The following IGFBPL1 variants were observed in gnomAD, a reference collection of about 807,000 sequenced individuals.
The protein encoded by IGFBPL1 is insulin-like growth factor-binding protein-like 1.
In IGFBPL1, 20 loss-of-function variants were observed where a neutral mutation model predicts 23.9. That is an observed-to-expected ratio of 0.84 (90% CI 0.59 to 1.22). IGFBPL1 has a LOEUF of 1.22. Ranked by LOEUF, IGFBPL1 falls within the 50% of genes most tolerant of loss-of-function variation. IGFBPL1 has a pLI of 0.00. For missense variants in IGFBPL1, 436 were observed against 379.3 expected, an observed-to-expected ratio of 1.15 and a Z score of -1.24; for synonymous variants, 184 against 171.8, an observed-to-expected ratio of 1.07 and a Z score of -0.56.
chr9:38,422,487 G>A (rs916978497), intron 1 of IGFBPL1, among the ~76,000 whole-genome samples: 2 of 152,228 alleles, frequency 1.3e-5, no homozygotes, highest in African/African-American at 2.4e-5. Flanking sequence ...AAAAACGAGT[G>A]ATAGGAACTA....
At position 38,413,334 on chromosome 9, in the gene IGFBPL1, C is replaced by A. The variant is rs140576184; in HGVS notation, c.590G>T (p.Gly197Val). Residue 197 changes from glycine (G) to valine (V), a missense_variant, in exon 3 of 5, where the codon GGC becomes GTC. Physicochemically the swap from Gly to Val is moderately radical, Grantham distance 109. Coordinates refer to ENST00000377694, the MANE Select transcript of IGFBPL1 (RefSeq NM_001007563.3). Reference protein sequence around the residue: ...TWRKVTKSPEGTQALEELPGD... With the variant: ...TWRKVTKSPEVTQALEELPGD... ...AGGCAGCTCCTCCAGTGCTTGGGTG[C>A]CCTCAGGGGACTTCGTGACCTACAG... 104 of 1,613,252 alleles carry A rather than the reference C, an allele frequency of 6.4e-5. No individual in the cohort carries two copies. In the Middle Eastern group the frequency reaches 6.6e-4, roughly 10 times the overall value.
intron 1 of IGFBPL1, among the ~76,000 whole-genome samples, chr9:38,414,638 G>A (rs1372412902): frequency 6.6e-6 from 1 of 152,164 alleles, no homozygotes; most frequent in Non-Finnish European, 1.5e-5. Context: ...TCCACGTGGA[G>A]GGTGTTAGGA....
chr9:38,423,201 T>C (rs1821705975), intron 1 of IGFBPL1, among the ~76,000 whole-genome samples: 1 of 152,188 alleles, frequency 6.6e-6, no homozygotes, highest in African/African-American at 2.4e-5. Flanking sequence ...TGGGCAACTA[T>C]AGCACTCAGA....
Position 38,418,315 on chromosome 9 carries a change from GTCT to G in IGFBPL1, c.461-4115_461-4113del, listed in dbSNP as rs146531598. 6.1e-3 allele frequency among the ~76,000 whole-genome samples: 932 copies of G among 152,308 alleles called. 4 individuals are homozygous for G. Among genetic ancestry groups the G allele is most frequent in the African/African-American group, 0.021 (877 of 41,574 alleles). Reference sequence around the variant, plus strand: ...GCCACGTCCCAGTCTTGGCCTCAGTGTCTTCTTCTTTAAAATGGGCACAGGAAT... The same window carrying G: ...GCCACGTCCCAGTCTTGGCCTCAGTGTCTTCTTTAAAATGGGCACAGGAAT... On this transcript the variant is annotated intron_variant, in intron 1 of 4. Transcript: ENST00000377694.
intron 4 of IGFBPL1, among the ~76,000 whole-genome samples, chr9:38,410,764 T>C (rs984041885): frequency 2.6e-5 from 4 of 152,172 alleles, no homozygotes; most frequent in African/African-American, 9.7e-5. Flanking sequence ...TATAAAGTGA[T>C]CCCTTTCCCG....
chr9:38,413,790 C>G (rs1017086699), intron 2 of IGFBPL1, among the ~76,000 whole-genome samples: 6 of 152,140 alleles, frequency 3.9e-5, no homozygotes, highest in African/African-American at 1.4e-4. Context: ...GCCACCGCAG[C>G]TGAAGCAGAC....
rs1271658203 is a variant in IGFBPL1, at chr9:38,407,138, G to A, written c.*2089C>T. Among the ~76,000 whole-genome samples the A allele has an allele frequency of 2.6e-5, 4 of 152,174 alleles. No individual in the cohort carries two copies. The highest frequency in any genetic ancestry group is 1.9e-4 in the East Asian group (1 of 5,200). ...CACAGTGCGTGGAGAAGGGAGGGGC[G>A]GGAGGGGCTGAGTGAGGAGTGGATG... is the stretch of plus-strand genomic sequence containing the variant. On this transcript the variant is annotated 3_prime_UTR_variant, in exon 5 of 5. Transcript: ENST00000377694.
intron 1 of IGFBPL1, among the ~76,000 whole-genome samples, chr9:38,423,129 G>A (rs1225803592): frequency 6.6e-6 from 1 of 152,140 alleles, no homozygotes; most frequent in Non-Finnish European, 1.5e-5. Flanking sequence ...TAGGAAGCCG[G>A]TAAAGCAGTG....
Position 38,408,110 on chromosome 9 carries a change from C to G in IGFBPL1, c.*1117G>C, listed in dbSNP as rs1344456785. Among the ~76,000 whole-genome samples, 1 of 151,992 alleles carries G rather than the reference C, an allele frequency of 6.6e-6. No homozygotes were observed. The highest frequency in any genetic ancestry group is 1.5e-5 in the Non-Finnish European group (1 of 68,010). ...CCTGGTATCCACCGCTTCTAACCAC[C>G]TGTTTAGAGAATGCTAGGCTAGGCC... is the stretch of plus-strand genomic sequence containing the variant. On this transcript the variant is annotated 3_prime_UTR_variant, in exon 5 of 5. Transcript: ENST00000377694.
chr9:38,424,043 GCGCGC>G lies in IGFBPL1; in HGVS notation c.377_381del (p.Cys126SerfsTer50). 7.2e-7 allele frequency: 1 copy of G among 1,398,138 alleles called. No individual in the cohort carries two copies. The highest frequency in any genetic ancestry group is 9.2e-7 in the Non-Finnish European group (1 of 1,084,918). 86.6% of individuals were successfully genotyped at this position (1,398,138 alleles called of 1,614,324 possible). A position where few individuals can be genotyped will look rare whatever the true frequency, so the allele number is the denominator to read the frequency against. ...GGCGTGTGCCGAGCGCGCAGGCGCA[GCGCGC>G]AGACGCTGGGGTACGAGCGACCGTC... On this transcript the variant is annotated frameshift_variant, in exon 1 of 5. Coordinates refer to ENST00000377694, the MANE Select transcript of IGFBPL1 (RefSeq NM_001007563.3). LOFTEE classifies it high-confidence loss of function.
intron 1 of IGFBPL1, among the ~76,000 whole-genome samples, 179 bp from the exon 2 acceptor site, chr9:38,414,382 G>C (rs1449762787): frequency 1.3e-5 from 2 of 152,150 alleles, no homozygotes; most frequent in Non-Finnish European, 2.9e-5. Context: ...GCTGCCGACC[G>C]ATCTCCTGAT....
At chr9:38,420,510 T>C (rs528028546) in intron 1 of IGFBPL1, among the ~76,000 whole-genome samples, 2 of 152,328 alleles carry the variant, frequency 1.3e-5, no homozygotes, top group African/African-American at 2.4e-5. Context: ...ATCAGGTTGC[T>C]AGCGGCTAGC....
chr9:38,421,219 AG>A (rs1459330110), intron 1 of IGFBPL1, among the ~76,000 whole-genome samples: 2 of 148,720 alleles, frequency 1.3e-5, no homozygotes, highest in Admixed American at 1.4e-4. Context: ...CCTTGAGCCC[AG>A]GATCACAGTG....
Position 38,407,479 on chromosome 9 carries a change from G to A in IGFBPL1, c.*1748C>T, listed in dbSNP as rs1044666325. Reference sequence around the variant, plus strand: ...CATCCCAATATATTAGACATGGAATGGCAGGCTTACAGGCGGAAAGTTCAC... The same window carrying A: ...CATCCCAATATATTAGACATGGAATAGCAGGCTTACAGGCGGAAAGTTCAC... On this transcript the variant is annotated 3_prime_UTR_variant, in exon 5 of 5. Coordinates refer to ENST00000377694, the MANE Select transcript of IGFBPL1 (RefSeq NM_001007563.3). Among the ~76,000 whole-genome samples the A allele has an allele frequency of 6.6e-6, 1 of 152,188 alleles. No individual in the cohort carries two copies. Among genetic ancestry groups the A allele is most frequent in the Non-Finnish European group, 1.5e-5 (1 of 68,036 alleles).
intron 1 of IGFBPL1, among the ~76,000 whole-genome samples, chr9:38,419,042 G>A (rs1821637271): frequency 1.3e-5 from 2 of 151,446 alleles, no homozygotes; most frequent in Non-Finnish European, 2.9e-5. Context: ...GTGTGGATCT[G>A]TACAAATGAA....
At chr9:38,416,520 A>T (rs1466345276) in intron 1 of IGFBPL1, among the ~76,000 whole-genome samples, 1 of 152,198 alleles carries the variant, frequency 6.6e-6, no homozygotes, top group Non-Finnish European at 1.5e-5. Context: ...TTATTTTTAA[A>T]TTTACACAAA....
intron 1 of IGFBPL1, among the ~76,000 whole-genome samples, chr9:38,414,744 C>T (rs1268819688): frequency 6.6e-6 from 1 of 152,116 alleles, no homozygotes; most frequent in East Asian, 1.9e-4. Context: ...GTAAAGACTC[C>T]CCAGGGCTCC....
chr9:38,413,333 G>A lies in IGFBPL1; in HGVS notation c.591C>T (p.Gly197=), dbSNP rs776185340. ...CAGGCAGCTCCTCCAGTGCTTGGGT[G>A]CCCTCAGGGGACTTCGTGACCTACA... The part of the protein sequence containing the change: ...TWRKVTKSPE[G]TQALEELPGD... Residue 197 remains glycine (G), a synonymous_variant, in exon 3 of 5, where the codon GGC becomes GGT. Coordinates refer to ENST00000377694, the MANE Select transcript of IGFBPL1 (RefSeq NM_001007563.3). The A allele has an allele frequency of 1.2e-6, 2 of 1,613,160 alleles. No homozygotes were observed. The highest frequency in any genetic ancestry group is 2.7e-5 in the African/African-American group (2 of 74,904).
At chr9:38,411,280 C>G (rs1398110974) in intron 4 of IGFBPL1, 111 bp downstream of exon 4, 3 of 902,638 alleles carry the variant, frequency 3.3e-6, no homozygotes, top group Non-Finnish European at 5.0e-6. Context: ...TGCTCTTTCC[C>G]TGGTTTCCTC....
Sources: gnomAD v4.1 joint callset for allele counts (sites outside exome capture counted in the v4.1 genomes callset) on GRCh38, gnomAD v4.1.1 for gene constraint, MANE v1.5 for transcripts, NCBI Gene and HGNC (gene_info 2026-07-23, HGNC 2026-07-21) for gene names.